The following GNG7 variants were observed in gnomAD, a reference collection of about 807,000 sequenced individuals.
GNG7 encodes guanine nucleotide-binding protein G(I)/G(S)/G(O) subunit gamma-7.
A neutral mutation model predicts 4.0 loss-of-function variants in GNG7; 1 was observed. The ratio of observed to expected loss-of-function variants is 0.25; its 90% confidence interval spans 0.09 to 1.18. GNG7 has a LOEUF of 1.18. Ranked by LOEUF, GNG7 falls within the 50% of genes most tolerant of loss-of-function variation. GNG7 has a pLI of 0.50. For missense variants in GNG7, 86 were observed against 91.9 expected, an observed-to-expected ratio of 0.94 and a Z score of 0.26; for synonymous variants, 34 against 36.9, an observed-to-expected ratio of 0.92 and a Z score of 0.29.
chr19:2,573,759 C>G (rs1248450267), intron 2 of GNG7, among the ~76,000 whole-genome samples: 1 of 152,172 alleles, frequency 6.6e-6, no homozygotes, highest in Non-Finnish European at 1.5e-5. Context: ...AGGAGAATCG[C>G]TTGAACCTGG....
chr19:2,538,156 C>T (rs959214263), intron 3 of GNG7: 9 of 456,456 alleles, frequency 2.0e-5, no homozygotes, highest in African/African-American at 8.0e-5. Context: ...GGCCCTGATG[C>T]CATGGATGGT....
intron 3 of GNG7, among the ~76,000 whole-genome samples, chr19:2,527,727 A>C (rs1264105325): frequency 1.3e-5 from 2 of 151,742 alleles, no homozygotes; most frequent in African/African-American, 4.9e-5. Context: ...TGGGCACTGC[A>C]GGGTGCTGGG....
intron 1 of GNG7, among the ~76,000 whole-genome samples, chr19:2,647,981 T>C (rs534331133): frequency 2.1e-4 from 27 of 125,936 alleles, no homozygotes; most frequent in African/African-American, 8.4e-4. Context: ...TGAGCTGAGA[T>C]CATGCCACTG....
At chr19:2,569,451 A>G (rs556640359) in intron 2 of GNG7, among the ~76,000 whole-genome samples, 2 of 152,024 alleles carry the variant, frequency 1.3e-5, no homozygotes, top group African/African-American at 4.8e-5. Flanking sequence ...AATTTTTTGT[A>G]TTTTTAGTAG....
At chr19:2,682,678 AAAG>A (rs1568283860) in intron 1 of GNG7, among the ~76,000 whole-genome samples, 2 of 144,446 alleles carry the variant, frequency 1.4e-5, no homozygotes, top group Non-Finnish European at 3.0e-5. Context: ...AAAAAAAAAA[AAAG>A]AAGAGCTACA....
intron 1 of GNG7, among the ~76,000 whole-genome samples, chr19:2,689,207 A>G (rs77878008): frequency 0.05 from 6,026 of 121,134 alleles, 423 homozygotes; most frequent in African/African-American, 0.2. Context: ...GCAAAAAAAA[A>G]GGGGGAAAAA....
chr19:2,553,928 T>C (rs10425521), intron 3 of GNG7, among the ~76,000 whole-genome samples: 2,497 of 146,514 alleles, frequency 0.017, 85 homozygotes, highest in African/African-American at 0.06. Flanking sequence ...GCATGTAATA[T>C]ATTGTATGTA....
intron 1 of GNG7, chr19:2,700,869 G>C (rs1417432751): frequency 6.6e-6 from 1 of 152,126 alleles, no homozygotes; most frequent in Non-Finnish European, 1.5e-5. Flanking sequence ...ACAAGTTTGT[G>C]AACTTGGCAT....
intron 1 of GNG7, among the ~76,000 whole-genome samples, chr19:2,660,833 T>C (rs139004963): frequency 4.6e-5 from 7 of 152,000 alleles, no homozygotes; most frequent in African/African-American, 1.7e-4. Flanking sequence ...TTGTTCTTTC[T>C]TGGGTCATGT....
chr19:2,549,175 G>A (rs947443165), intron 3 of GNG7, among the ~76,000 whole-genome samples: 7 of 152,144 alleles, frequency 4.6e-5, no homozygotes, highest in Non-Finnish European at 7.3e-5. Flanking sequence ...CTCAACGCTC[G>A]ACGCTCAAAC....
At chr19:2,521,945 A>T (rs1277167463) in intron 3 of GNG7, among the ~76,000 whole-genome samples, 1 of 152,118 alleles carries the variant, frequency 6.6e-6, no homozygotes, top group Non-Finnish European at 1.5e-5. Context: ...TCAGGAGCCC[A>T]TGCTGTTGCT....
intron 1 of GNG7, among the ~76,000 whole-genome samples, chr19:2,657,349 AAAAAAAAAAAAAATATATATATATAT>A (rs1481655825): frequency 2.5e-4 from 5 of 19,670 alleles, no homozygotes; most frequent in East Asian, 3.3e-3. Flanking sequence ...AAAAAAAAAA[AAAAAAAAAAAAAATATATATATATAT>A]ATATATATAT....
intron 1 of GNG7, among the ~76,000 whole-genome samples, chr19:2,698,040 G>A (rs574069156): frequency 4.6e-5 from 7 of 151,928 alleles, no homozygotes; most frequent in Admixed American, 1.3e-4. Context: ...GTCGAGGCAG[G>A]TGGATCACCA....
chr19:2,628,244 T>C (rs1196237931), intron 2 of GNG7, among the ~76,000 whole-genome samples: 7 of 152,156 alleles, frequency 4.6e-5, no homozygotes, highest in Non-Finnish European at 7.3e-5. Flanking sequence ...AAGCCTAAAA[T>C]CAAGGTATGG....
chr19:2,667,536 T>C (rs1363176187), intron 1 of GNG7, among the ~76,000 whole-genome samples: 1 of 152,180 alleles, frequency 6.6e-6, no homozygotes, highest in Non-Finnish European at 1.5e-5. Flanking sequence ...CCCAGCACTT[T>C]GGGAGGCCGA....
At chr19:2,680,144 C>CTTT (rs775146336) in intron 1 of GNG7, among the ~76,000 whole-genome samples, 82 of 118,984 alleles carry the variant, frequency 6.9e-4, no homozygotes, top group African/African-American at 1.6e-3. Flanking sequence ...GACCTTGTCT[C>CTTT]TTTTTTTTTT....
In GNG7 at chr19:2,538,830, G is replaced by A. The variant is rs766993482; in HGVS notation, c.-38+16319C>T. 218 of 319,902 alleles carry A rather than the reference G, an allele frequency of 6.8e-4. 1 individual carries two copies. The highest frequency in any genetic ancestry group is 1.1e-3 in the Admixed American group (26 of 23,452). The allele number at this position is 319,902 out of a possible 1,614,324, so 19.8% of individuals were successfully genotyped here. On this transcript the variant is annotated intron_variant, in intron 3 of 4. Transcript: ENST00000382159. Reference sequence around the variant, plus strand: ...GTCTCCCAGGCTGGAGTGCAGTGGCGCAATCTCAGCTCACTGCAAACTCTG... The same window carrying A: ...GTCTCCCAGGCTGGAGTGCAGTGGCACAATCTCAGCTCACTGCAAACTCTG...
chr19:2,520,842 G>T, intron 3 of GNG7, 117 bp from the exon 4 acceptor site: 1 of 595,812 alleles, frequency 1.7e-6, no homozygotes. Context: ...TTTGCCTCTG[G>T]GTGGGGACCA....
At chr19:2,642,830 G>A (rs1420474185) in intron 2 of GNG7, 1 of 456,756 alleles carries the variant, frequency 2.2e-6, no homozygotes. Flanking sequence ...CACCAAACCT[G>A]TGGCAGCCCC....
Sources: gnomAD v4.1 joint callset for allele counts (sites outside exome capture counted in the v4.1 genomes callset) on GRCh38, gnomAD v4.1.1 for gene constraint, MANE v1.5 for transcripts, NCBI Gene and HGNC (gene_info 2026-07-23, HGNC 2026-07-21) for gene names.